Variants in LARS1 observed in about 807,000 individuals in gnomAD.
The protein encoded by LARS1 is leucine--tRNA ligase, cytoplasmic.
LARS1 carries 100 observed loss-of-function variants against 162.8 expected under a neutral mutation model. The observed-to-expected ratio is 0.61, with a 90% CI of 0.52 to 0.73. The LOEUF is 0.73. Ranked by LOEUF, LARS1 falls within the 30% of genes least tolerant of loss-of-function variation. The pLI is 0.00. For synonymous variants in LARS1, 457 were observed against 462.8 expected (o/e 0.99, Z 0.16); for missense variants, 1,258 against 1,408.9 (o/e 0.89, Z 1.71).
intron 1 of LARS1, 94 bp from the exon 2 acceptor site, chr5:146,177,759 A>T: frequency 3.9e-6 from 2 of 509,182 alleles, no homozygotes; most frequent in Non-Finnish European, 6.8e-6. Flanking sequence ...TCACTGATAA[A>T]GACTGATTTT....
At chr5:146,137,159 A>G (rs1752546288) in intron 21 of LARS1, among the ~76,000 whole-genome samples, 1 of 152,148 alleles carries the variant, frequency 6.6e-6, no homozygotes, top group Admixed American at 6.5e-5. Flanking sequence ...TGGCCTCCCA[A>G]AGTGCTGGGA....
intron 2 of LARS1, among the ~76,000 whole-genome samples, chr5:146,176,532 A>T (rs1004581850): frequency 6.6e-6 from 1 of 152,004 alleles, no homozygotes; most frequent in African/African-American, 2.4e-5. Context: ...CACATTTGCT[A>T]GCACACAGTA....
chr5:146,178,485 G>A (rs546539979), intron 1 of LARS1, among the ~76,000 whole-genome samples: 4 of 151,836 alleles, frequency 2.6e-5, no homozygotes, highest in Non-Finnish European at 5.9e-5. Context: ...AAGGTGGCAC[G>A]CATCTGTAAT....
chr5:146,173,887 T>A (rs1754387936), intron 2 of LARS1, among the ~76,000 whole-genome samples: 2 of 152,046 alleles, frequency 1.3e-5, no homozygotes, highest in Non-Finnish European at 2.9e-5. Flanking sequence ...CTTGTGAGTT[T>A]CATACAAAAA....
Position 146,153,902 on chromosome 5 carries a change from CCTT to C in LARS1, c.1141_1143del (p.Lys381del). ...TAAATAAACTCTTTACCTTTATCCT[CCTT>C]AATAGTTAGCATTGGGAGAACATAG... is the stretch of plus-strand genomic sequence containing the variant. On this transcript the variant is annotated inframe_deletion, in exon 11 of 32. Transcript: ENST00000394434. 1 of 1,611,274 alleles carries C rather than the reference CCTT, an allele frequency of 6.2e-7. No homozygotes were observed. Among genetic ancestry groups the C allele is most frequent in the Non-Finnish European group, 8.5e-7 (1 of 1,177,994 alleles).
intron 6 of LARS1, 91 bp from the exon 7 acceptor site, chr5:146,160,577 T>C: frequency 1.7e-6 from 1 of 579,288 alleles, no homozygotes; most frequent in Non-Finnish European, 3.0e-6. Flanking sequence ...TTTACTCTTC[T>C]AACTTAGAAT....
chr5:146,171,901 C>T lies in LARS1; in HGVS notation c.294+9G>A, dbSNP rs375149812. The T allele has an allele frequency of 6.1e-4, 968 of 1,598,154 alleles. 1 individual carries two copies. Among genetic ancestry groups the T allele is most frequent in the Non-Finnish European group, 7.5e-4 (878 of 1,169,962 alleles). On this transcript the variant is annotated intron_variant, in intron 4 of 31. Coordinates refer to ENST00000394434, the MANE Select transcript of LARS1 (RefSeq NM_020117.11). The stretch of plus-strand genomic sequence containing the variant: ...AAAGAGTAGAAACCAATCCTATTAG[C>T]GATCTTACCTTAATAGGCATTCCAG...
chr5:146,166,905 A>T (rs1312720598), intron 5 of LARS1, among the ~76,000 whole-genome samples: 1 of 152,212 alleles, frequency 6.6e-6, no homozygotes, highest in Non-Finnish European at 1.5e-5. Context: ...CGCCATCTTA[A>T]CCAAATGATC....
Position 146,128,705 on chromosome 5 carries a change from A to C in LARS1, c.2847T>G (p.His949Gln). Reference protein sequence around the residue: ...YVAKNYPPWQHTTLSVLRKHF... With the variant: ...YVAKNYPPWQQTTLSVLRKHF... ...GTTTACGTAGAACAGACAGGGTGGT[A>C]TGTTGCCAAGGTGGATAGTTCTTTG... The change falls in exon 27 of 32, where the codon CAT (histidine) becomes CAG (glutamine). Residue 949 changes from histidine to glutamine, a missense_variant. Transcript: ENST00000394434. 1 of 1,589,818 alleles carries C rather than the reference A, an allele frequency of 6.3e-7. No homozygotes were observed. The highest frequency in any genetic ancestry group is 8.5e-7 in the Non-Finnish European group (1 of 1,173,416).
chr5:146,157,826 G>A (rs778644579), intron 8 of LARS1, 31 bp from the exon 9 acceptor site: 9 of 1,600,540 alleles, frequency 5.6e-6, no homozygotes, highest in Non-Finnish European at 7.7e-6. Context: ...AAAATTTGAA[G>A]GAAAAAAAAG....
intron 24 of LARS1, chr5:146,130,591 G>A (rs572980257): frequency 9.2e-5 from 16 of 173,788 alleles, no homozygotes; most frequent in East Asian, 6.8e-4. Context: ...AGCTCATTGC[G>A]TAAAGCTACA....
At chr5:146,115,199 T>C (rs1486791642) in intron 31 of LARS1, among the ~76,000 whole-genome samples, 1 of 152,144 alleles carries the variant, frequency 6.6e-6, no homozygotes, top group Non-Finnish European at 1.5e-5. Flanking sequence ...TGTGTATTTT[T>C]TAGCATTATC....
intron 24 of LARS1, 105 bp from the exon 25 acceptor site, chr5:146,130,263 C>G (rs972388626): frequency 1.8e-6 from 2 of 1,090,690 alleles, no homozygotes; most frequent in African/African-American, 3.2e-5. Flanking sequence ...AGTTTCTAGT[C>G]TTTTAAAAAT....
chr5:146,167,242 CTG>C (rs1754052138), intron 5 of LARS1, among the ~76,000 whole-genome samples: 2 of 152,122 alleles, frequency 1.3e-5, no homozygotes, highest in Non-Finnish European at 2.9e-5. Flanking sequence ...TCCAAAAAGT[CTG>C]TAGTTTAGTA....
intron 31 of LARS1, among the ~76,000 whole-genome samples, chr5:146,116,421 C>T (rs1288785660): frequency 6.6e-6 from 1 of 152,172 alleles, no homozygotes; most frequent in African/African-American, 2.4e-5. Flanking sequence ...CCAAGCAATT[C>T]TGAATCAAAC....
At position 146,130,167 on chromosome 5, in the gene LARS1, T is replaced by C. The variant is rs778156602; in HGVS notation, c.2488-9A>G. The C allele has an allele frequency of 2.9e-5, 46 of 1,610,224 alleles. No homozygotes were observed. Among genetic ancestry groups the C allele is most frequent in the Non-Finnish European group, 3.7e-5 (44 of 1,178,616 alleles). The stretch of plus-strand genomic sequence containing the variant: ...TACTTATCTTTTGCGGCCTATAAAA[T>C]TTGAAATTATTTACCATTTCCCTCA... On this transcript the variant is annotated splice_polypyrimidine_tract_variant and intron_variant, in intron 24 of 31. Transcript: ENST00000394434.
At chr5:146,168,403 A>G in intron 4 of LARS1, 138 bp from the exon 5 acceptor site, 1 of 835,500 alleles carries the variant, frequency 1.2e-6, no homozygotes, top group East Asian at 2.7e-5. Flanking sequence ...CCACTACAGA[A>G]AACTGAAACG....
In LARS1 at chr5:146,120,492, G is replaced by A. The variant is rs372036882; in HGVS notation, c.3204C>T (p.Ser1068=). 3.4e-5 allele frequency: 55 copies of A among 1,612,272 alleles called. 1 individual carries two copies. The Admixed American group carries it at 5.9e-4, about 17-fold the overall frequency. ...LNVFRIEPGV[S]VSLVNPQPSN... is the part of the protein sequence containing the mutation. The stretch of plus-strand genomic sequence containing the variant: ...ATGGCTGGGGATTCACCAGAGAAAC[G>A]GACACACCAGGCTAGGAAAACAACA... Residue 1068 remains serine (S), a synonymous_variant, in exon 31 of 32, where the codon TCC becomes TCT. Coordinates refer to ENST00000394434, the MANE Select transcript of LARS1 (RefSeq NM_020117.11).
intron 21 of LARS1, among the ~76,000 whole-genome samples, chr5:146,136,474 GA>G (rs1752503346): frequency 1.3e-5 from 2 of 148,794 alleles, no homozygotes. Context: ...CTAATATACA[GA>G]TTACCTATTT....
Sources: gnomAD v4.1 joint callset for allele counts (sites outside exome capture counted in the v4.1 genomes callset) on GRCh38, gnomAD v4.1.1 for gene constraint, MANE v1.5 for transcripts, NCBI Gene and HGNC (gene_info 2026-07-23, HGNC 2026-07-21) for gene names.